SMYD3: variants seen among roughly 807,000 people sequenced by gnomAD.
SMYD3 encodes histone-lysine N-methyltransferase SMYD3.
A neutral mutation model predicts 57.7 loss-of-function variants in SMYD3; 36 were observed. The ratio of observed to expected loss-of-function variants is 0.62; its 90% CI spans 0.48 to 0.82. The LOEUF (loss-of-function observed/expected upper bound fraction) is 0.82, where lower values mean the gene tolerates loss of function less well. SMYD3 is among the 40% of genes least tolerant of loss of function. The pLI, the probability that SMYD3 is intolerant of heterozygous loss-of-function variation, is 0.00. For synonymous variants in SMYD3, 211 were observed against 195.0 expected (o/e 1.08, Z -0.68); for missense variants, 515 against 538.8 (o/e 0.96, Z 0.44).
chr1:246,281,165 G>C (rs2064432201), intron 5 of SMYD3, among the ~76,000 whole-genome samples: 1 of 152,178 alleles, frequency 6.6e-6, no homozygotes, highest in Admixed American at 6.5e-5. Flanking sequence ...TTCAATTCTA[G>C]CATATCATTG....
chr1:246,290,271 T>A (rs1380263870), intron 5 of SMYD3, among the ~76,000 whole-genome samples: 2 of 152,206 alleles, frequency 1.3e-5, no homozygotes, highest in East Asian at 3.9e-4. Context: ...TATCTAAACT[T>A]TTGGCCAATT....
chr1:246,340,581 G>A (rs1458377772), intron 2 of SMYD3, among the ~76,000 whole-genome samples: 1 of 152,104 alleles, frequency 6.6e-6, no homozygotes, highest in Admixed American at 6.5e-5. Flanking sequence ...GAAGCATCTA[G>A]GATTTGGGGA....
chr1:246,066,195 A>G (rs553119159), intron 5 of SMYD3, among the ~76,000 whole-genome samples: 1 of 152,326 alleles, frequency 6.6e-6, no homozygotes, highest in South Asian at 2.1e-4. Context: ...AATTCATTAC[A>G]GATTTGAATT....
intron 1 of SMYD3, among the ~76,000 whole-genome samples, chr1:246,363,539 A>G (rs931172221): frequency 9.9e-5 from 15 of 152,246 alleles, no homozygotes; most frequent in African/African-American, 1.2e-4. Context: ...TGTAGAAAGA[A>G]GTAGACATGG....
intron 5 of SMYD3, among the ~76,000 whole-genome samples, chr1:246,304,270 T>G (rs977664552): frequency 6.6e-6 from 1 of 152,108 alleles, no homozygotes; most frequent in African/African-American, 2.4e-5. Context: ...ACAAAACAAA[T>G]AGTATAAATC....
rs530724799 is a variant in SMYD3 at position 245,809,322 on chromosome 1, A to C, written c.1077-45173T>G. ...TTCCTTTCTCCAACCCTCTGTATGAAACCTGCACTGACAGACAGTGCTATG... is the reference window on the plus strand; with the variant it reads ...TTCCTTTCTCCAACCCTCTGTATGACACCTGCACTGACAGACAGTGCTATG... On this transcript the variant is annotated intron_variant, in intron 10 of 11. Coordinates refer to ENST00000490107, the MANE Select transcript of SMYD3 (RefSeq NM_001167740.2). 3.3e-5 allele frequency among the ~76,000 whole-genome samples: 5 copies of C among 152,286 alleles called. No homozygotes were observed. In the South Asian group the frequency reaches 8.3e-4, roughly 25 times the overall value.
rs568714831 is a variant in SMYD3 at position 246,201,252 on chromosome 1, A to C, written c.531+125949T>G. On this transcript the variant is annotated intron_variant, in intron 5 of 11. Transcript: ENST00000490107. ...TAGCAGTAATAAGAGATACCAGATG[A>C]GAATATGGACACATCCACAAAAATT... Among the ~76,000 whole-genome samples, 13 of 152,320 alleles carry C rather than the reference A, an allele frequency of 8.5e-5. No individual in the cohort carries two copies. In the East Asian group the frequency reaches 2.5e-3, roughly 29 times the overall value.
intron 5 of SMYD3, among the ~76,000 whole-genome samples, chr1:246,080,791 C>T (rs1417933634): frequency 1.3e-5 from 2 of 152,116 alleles, no homozygotes; most frequent in Admixed American, 6.6e-5. Context: ...CTCTAGAATG[C>T]GAACTCTATA....
intron 10 of SMYD3, among the ~76,000 whole-genome samples, chr1:245,810,637 G>A (rs941845644): frequency 6.6e-6 from 1 of 152,176 alleles, no homozygotes; most frequent in Non-Finnish European, 1.5e-5. Flanking sequence ...GACCTGAGCA[G>A]CAGTTTCAGG....
chr1:246,400,187 T>C (rs1209534414), intron 1 of SMYD3, among the ~76,000 whole-genome samples: 2 of 152,252 alleles, frequency 1.3e-5, no homozygotes, highest in African/African-American at 4.8e-5. Context: ...CACTCGTTCA[T>C]TTATTCATCT....
chr1:245,758,960 C>T (rs2045722246), intron 11 of SMYD3, among the ~76,000 whole-genome samples: 1 of 152,162 alleles, frequency 6.6e-6, no homozygotes, highest in African/African-American at 2.4e-5. Context: ...CTTTCTCTGA[C>T]ATCACTCCAG....
intron 10 of SMYD3, among the ~76,000 whole-genome samples, chr1:245,828,579 T>C (rs928683629): frequency 2.6e-5 from 4 of 152,238 alleles, no homozygotes; most frequent in Admixed American, 2.6e-4. Flanking sequence ...TACAAATTTA[T>C]AGGGCATGGT....
At chr1:246,194,372 G>A (rs188160803) in intron 5 of SMYD3, among the ~76,000 whole-genome samples, 14 of 151,896 alleles carry the variant, frequency 9.2e-5, no homozygotes, top group South Asian at 8.3e-4. Context: ...GGGTTCAAGC[G>A]GTTCTCCTGC....
At chr1:245,763,940 G>C in intron 11 of SMYD3, 101 bp downstream of exon 11, 3 of 862,986 alleles carry the variant, frequency 3.5e-6, no homozygotes, top group South Asian at 1.5e-5. Flanking sequence ...GTGTGTATGC[G>C]TGCACACATA....
chr1:246,155,729 C>T (rs957498458), intron 5 of SMYD3, among the ~76,000 whole-genome samples: 6 of 152,248 alleles, frequency 3.9e-5, no homozygotes, highest in South Asian at 2.1e-4. Flanking sequence ...CCTGTAATCC[C>T]GGCACTTTGG....
intron 5 of SMYD3, among the ~76,000 whole-genome samples, chr1:246,275,901 C>G (rs1287208394): frequency 6.7e-6 from 1 of 150,094 alleles, no homozygotes; most frequent in Non-Finnish European, 1.5e-5. Flanking sequence ...TTTAATGTTT[C>G]TAGTGGAGTC....
chr1:246,375,980 T>C (rs537194866), intron 1 of SMYD3, among the ~76,000 whole-genome samples: 63 of 146,934 alleles, frequency 4.3e-4, no homozygotes, highest in African/African-American at 1.5e-3. Context: ...TCCACCAGCC[T>C]CAGCCTCCCA....
At chr1:246,041,724 C>A (rs976701487) in intron 5 of SMYD3, among the ~76,000 whole-genome samples, 1 of 151,862 alleles carries the variant, frequency 6.6e-6, no homozygotes. Flanking sequence ...ACTTCTGGTT[C>A]TGGAAGAGAA....
intron 5 of SMYD3, among the ~76,000 whole-genome samples, chr1:246,239,613 G>GGAT (rs1423197909): frequency 6.6e-6 from 1 of 152,128 alleles, no homozygotes; most frequent in Admixed American, 6.5e-5. Context: ...CCCAGTAATG[G>GGAT]GATGGCTGGG....
Sources: allele counts gnomAD v4.1 joint callset (sites outside exome capture counted in the v4.1 genomes callset), GRCh38; gene constraint gnomAD v4.1.1; transcripts MANE v1.5; gene names NCBI Gene and HGNC (gene_info 2026-07-23, HGNC 2026-07-21).